The following FGF14 variants were observed in gnomAD, a reference collection of about 807,000 sequenced individuals.
FGF14 encodes fibroblast growth factor homologous factor 4.
Under a neutral mutation model 25.5 loss-of-function variants are expected in FGF14, and 5 were observed. The ratio of observed to expected loss-of-function variants is 0.20; its 90% CI spans 0.10 to 0.41. The LOEUF is 0.41. Ranked by LOEUF, FGF14 falls within the 10% of genes least tolerant of loss-of-function variation. The pLI, the probability that FGF14 is intolerant of heterozygous loss-of-function variation, is 1.00. For synonymous variants in FGF14, 138 were observed against 118.3 expected (o/e 1.17, Z -1.08); for missense variants, 222 against 320.1 (o/e 0.69, Z 2.34).
intron 1 of FGF14, among the ~76,000 whole-genome samples, chr13:102,225,693 C>A (rs183163722): frequency 6.6e-6 from 1 of 152,144 alleles, no homozygotes; most frequent in African/African-American, 2.4e-5. Context: ...TTTATAAAAA[C>A]TGTTTTGACT....
intron 3 of FGF14, among the ~76,000 whole-genome samples, chr13:101,807,084 G>A (rs1025493067): frequency 2.0e-5 from 3 of 152,116 alleles, no homozygotes; most frequent in Non-Finnish European, 4.4e-5. Context: ...GTGCAAGAAA[G>A]AAAACAAGAA....
intron 3 of FGF14, chr13:101,801,882 C>G (rs562906501): frequency 2.6e-6 from 1 of 379,530 alleles, no homozygotes; most frequent in East Asian, 6.3e-5. Flanking sequence ...GTCAGGATGG[C>G]TAAAGGTGAC....
chr13:101,832,529 C>G (rs1256391871), intron 3 of FGF14, among the ~76,000 whole-genome samples: 1 of 151,974 alleles, frequency 6.6e-6, no homozygotes, highest in African/African-American at 2.4e-5. Context: ...TAGAGATCAG[C>G]TGGACTTGAT....
At chr13:102,108,204 T>C (rs2045024998) in intron 1 of FGF14, among the ~76,000 whole-genome samples, 1 of 152,218 alleles carries the variant, frequency 6.6e-6, no homozygotes, top group Non-Finnish European at 1.5e-5. Flanking sequence ...TTATCTATTG[T>C]ATCAATTTTG....
At chr13:101,851,146 T>C (rs2043824372) in intron 3 of FGF14, among the ~76,000 whole-genome samples, 1 of 151,694 alleles carries the variant, frequency 6.6e-6, no homozygotes, top group South Asian at 2.1e-4. Context: ...GCTATTAGAG[T>C]GGGCCCTAAT....
At position 101,718,202 on chromosome 13, in the gene FGF14, T is replaced by C. The variant is rs1463771064; in HGVS notation, c.*4629A>G. 6.6e-6 allele frequency: 1 copy of C among 152,156 alleles called. No homozygotes were observed. The highest frequency in any genetic ancestry group is 1.5e-5 in the Non-Finnish European group (1 of 68,004). The allele number at this position is 152,156 out of a possible 1,614,324, so 9.4% of individuals were successfully genotyped here. A position where few individuals can be genotyped will look rare whatever the true frequency, so the allele number is the denominator to read the frequency against. ...TTGAAAACAGAAATATTTTTACTTATTTCTGTCCACTATGTTTGTGTGTAT... is the reference window on the plus strand; with the variant it reads ...TTGAAAACAGAAATATTTTTACTTACTTCTGTCCACTATGTTTGTGTGTAT... On this transcript the variant is annotated 3_prime_UTR_variant, in exon 5 of 5. Coordinates refer to ENST00000376143, the MANE Select transcript of FGF14 (RefSeq NM_004115.4).
At chr13:102,039,330 G>A (rs1400948219) in intron 1 of FGF14, among the ~76,000 whole-genome samples, 1 of 152,230 alleles carries the variant, frequency 6.6e-6, no homozygotes, top group East Asian at 1.9e-4. Flanking sequence ...AGGAGAAAAA[G>A]CCCACAGCTT....
chr13:101,755,726 G>T (rs1282524138), intron 3 of FGF14, among the ~76,000 whole-genome samples: 1 of 152,114 alleles, frequency 6.6e-6, no homozygotes, highest in Non-Finnish European at 1.5e-5. Flanking sequence ...CAACTGGTGG[G>T]AAAGTCTGAG....
At chr13:102,321,393 C>CA (rs568766422) in intron 1 of FGF14, among the ~76,000 whole-genome samples, 12 of 151,880 alleles carry the variant, frequency 7.9e-5, no homozygotes, top group African/African-American at 2.9e-4. Flanking sequence ...AATCATAATG[C>CA]AAAAAATAAG....
intron 1 of FGF14, among the ~76,000 whole-genome samples, chr13:102,311,576 C>A (rs1353402117): frequency 6.6e-6 from 1 of 151,924 alleles, no homozygotes; most frequent in African/African-American, 2.4e-5. Context: ...TGTCATACTA[C>A]CAGAACCAAA....
chr13:102,304,363 G>A (rs1215798133), intron 1 of FGF14, among the ~76,000 whole-genome samples: 1 of 152,066 alleles, frequency 6.6e-6, no homozygotes, highest in Non-Finnish European at 1.5e-5. Flanking sequence ...GCCCTACTAT[G>A]TCCAATACTG....
At chr13:102,210,945 T>C (rs1443692901) in intron 1 of FGF14, among the ~76,000 whole-genome samples, 1 of 152,128 alleles carries the variant, frequency 6.6e-6, no homozygotes, top group African/African-American at 2.4e-5. Flanking sequence ...ATGAGGTAAC[T>C]CTTGTCTTAG....
At chr13:101,741,312 G>A (rs1233613195) in intron 3 of FGF14, among the ~76,000 whole-genome samples, 1 of 152,126 alleles carries the variant, frequency 6.6e-6, no homozygotes. Flanking sequence ...CTCCAGCCTG[G>A]CAGACAGGGC....
intron 1 of FGF14, among the ~76,000 whole-genome samples, chr13:101,909,482 C>A (rs1204340279): frequency 1.3e-5 from 2 of 152,106 alleles, no homozygotes; most frequent in Admixed American, 6.5e-5. Flanking sequence ...CCAAAAGACA[C>A]GTGAAAAAAT....
intron 1 of FGF14, among the ~76,000 whole-genome samples, chr13:102,365,351 C>T (rs1456828299): frequency 1.3e-5 from 2 of 152,090 alleles, no homozygotes; most frequent in Non-Finnish European, 2.9e-5. Context: ...TCAACACCCC[C>T]AGATTCCAAT....
chr13:102,241,410 T>C (rs2051592602), intron 1 of FGF14, among the ~76,000 whole-genome samples: 1 of 152,112 alleles, frequency 6.6e-6, no homozygotes, highest in South Asian at 2.1e-4. Flanking sequence ...TTGTACCCCA[T>C]ACAATCCATG....
chr13:102,172,334 G>A (rs2048285183), intron 1 of FGF14, among the ~76,000 whole-genome samples: 1 of 152,026 alleles, frequency 6.6e-6, no homozygotes, highest in East Asian at 1.9e-4. Flanking sequence ...TGCCAATGAT[G>A]ACAAACCCTT....
chr13:101,782,567 T>A (rs893118295), intron 3 of FGF14, among the ~76,000 whole-genome samples: 16 of 152,194 alleles, frequency 1.1e-4, no homozygotes, highest in African/African-American at 3.6e-4. Flanking sequence ...GACCTCAGTG[T>A]CCGTTCTTCC....
intron 3 of FGF14, among the ~76,000 whole-genome samples, chr13:101,854,512 C>T (rs1326788417): frequency 6.6e-6 from 1 of 152,008 alleles, no homozygotes; most frequent in African/African-American, 2.4e-5. Flanking sequence ...GTTTGCTGAC[C>T]TAGTATAATT....
Sources: gnomAD v4.1 joint callset for allele counts (sites outside exome capture counted in the v4.1 genomes callset) on GRCh38, gnomAD v4.1.1 for gene constraint, MANE v1.5 for transcripts, NCBI Gene and HGNC (gene_info 2026-07-23, HGNC 2026-07-21) for gene names.